The following KCNJ6 variants were observed in gnomAD, a reference collection of about 807,000 sequenced individuals.
The protein encoded by KCNJ6 is potassium inwardly rectifying channel subfamily J member 6, also known as G protein-activated inward rectifier potassium channel 2.
In KCNJ6, 9 loss-of-function variants were observed where a neutral mutation model predicts 34.2. The observed-to-expected ratio is 0.26, with a 90% CI of 0.16 to 0.46. KCNJ6 has a LOEUF of 0.46. KCNJ6 is among the 20% of genes least tolerant of loss of function. The probability of loss-of-function intolerance (pLI) is 1.00; values close to 1 mark genes in which losing one functional copy is unlikely to be tolerated. For synonymous variants in KCNJ6, 196 were observed against 207.1 expected (o/e 0.95, Z 0.46); for missense variants, 236 against 531.3 (o/e 0.44, Z 5.46).
intron 3 of KCNJ6, among the ~76,000 whole-genome samples, chr21:37,688,533 C>T (rs1480392505): frequency 3.3e-5 from 5 of 152,118 alleles, no homozygotes; most frequent in Non-Finnish European, 7.3e-5. Flanking sequence ...AGCTAATGAG[C>T]AGGAGGGACA....
At chr21:37,891,146 T>C (rs1286420820) in intron 1 of KCNJ6, among the ~76,000 whole-genome samples, 1 of 152,130 alleles carries the variant, frequency 6.6e-6, no homozygotes, top group East Asian at 1.9e-4. Context: ...GCTTTCCTCC[T>C]TGCTTTCATA....
chr21:37,781,729 T>C (rs2226356), intron 2 of KCNJ6, among the ~76,000 whole-genome samples: 85,539 of 151,962 alleles, frequency 0.56, 24,898 homozygotes, highest in African/African-American at 0.69. Flanking sequence ...TGGATAAGAT[T>C]GCATAGTATT....
At chr21:37,876,314 T>G (rs938637694) in intron 1 of KCNJ6, among the ~76,000 whole-genome samples, 9 of 152,192 alleles carry the variant, frequency 5.9e-5, no homozygotes, top group African/African-American at 2.2e-4. Flanking sequence ...TTTCAGGGGT[T>G]AAGTAACTTG....
chr21:37,911,387 A>G (rs1285794709), intron 1 of KCNJ6, among the ~76,000 whole-genome samples: 2 of 152,198 alleles, frequency 1.3e-5, no homozygotes, highest in Non-Finnish European at 2.9e-5. Context: ...GTATTACCAA[A>G]GTTAATAATT....
chr21:37,645,932 G>A (rs909502482), intron 3 of KCNJ6, among the ~76,000 whole-genome samples: 2 of 139,072 alleles, frequency 1.4e-5, no homozygotes, highest in Non-Finnish European at 3.1e-5. Context: ...TTAATAAAAC[G>A]GGGGTAAAAA....
chr21:37,747,417 C>A (rs1378985254), intron 2 of KCNJ6, among the ~76,000 whole-genome samples: 4 of 152,172 alleles, frequency 2.6e-5, no homozygotes, highest in Admixed American at 2.6e-4. Context: ...TGGCAAAGGC[C>A]TTACTAGGGA....
intron 3 of KCNJ6, among the ~76,000 whole-genome samples, chr21:37,634,236 A>G (rs1020324125): frequency 2.0e-5 from 3 of 152,116 alleles, no homozygotes; most frequent in Non-Finnish European, 4.4e-5. Context: ...GTAATGAGTA[A>G]GTTCTCGTTC....
intron 2 of KCNJ6, among the ~76,000 whole-genome samples, chr21:37,769,565 T>TC (rs1477183304): frequency 6.6e-6 from 1 of 151,838 alleles, no homozygotes; most frequent in Non-Finnish European, 1.5e-5. Context: ...TTATCTCCTT[T>TC]CCCCACTGAG....
intron 1 of KCNJ6, among the ~76,000 whole-genome samples, chr21:37,855,697 T>C (rs186426884): frequency 1.9e-4 from 29 of 152,354 alleles, no homozygotes; most frequent in African/African-American, 7.0e-4. Flanking sequence ...TGCAGAATCA[T>C]GTCCTTTGTT....
intron 3 of KCNJ6, among the ~76,000 whole-genome samples, chr21:37,703,999 C>T (rs1307066689): frequency 6.6e-6 from 1 of 152,246 alleles, no homozygotes; most frequent in African/African-American, 2.4e-5. Flanking sequence ...TTGTGGGTGG[C>T]CCCTCAAGCT....
chr21:37,666,967 G>A (rs1279725154), intron 3 of KCNJ6, among the ~76,000 whole-genome samples: 1 of 150,648 alleles, frequency 6.6e-6, no homozygotes, highest in Non-Finnish European at 1.5e-5. Context: ...CTCGTTAAGA[G>A]TCATCACCAC....
chr21:37,693,067 G>C (rs1053780109), intron 3 of KCNJ6, among the ~76,000 whole-genome samples: 3 of 152,108 alleles, frequency 2.0e-5, no homozygotes, highest in African/African-American at 7.2e-5. Flanking sequence ...ATTAAAAATG[G>C]TTAATGGGTA....
intron 1 of KCNJ6, among the ~76,000 whole-genome samples, chr21:37,845,869 T>C (rs1365253615): frequency 6.6e-6 from 1 of 152,162 alleles, no homozygotes; most frequent in African/African-American, 2.4e-5. Context: ...CTGCAGAACC[T>C]AGGCACACTG....
intron 1 of KCNJ6, among the ~76,000 whole-genome samples, chr21:37,892,838 T>C (rs1232359859): frequency 2.0e-5 from 3 of 151,362 alleles, no homozygotes; most frequent in African/African-American, 4.9e-5. Context: ...TTTGTCCCCA[T>C]ATGGCTTCTT....
rs117914991 is a variant in KCNJ6 at position 37,846,273 on chromosome 21, G to T, written c.-27-5564C>A. 4.2e-3 allele frequency among the ~76,000 whole-genome samples: 645 copies of T among 152,224 alleles called. 2 individuals carry two copies. Among genetic ancestry groups the T allele is most frequent in the South Asian group, 7.5e-3 (36 of 4,822 alleles). On this transcript the variant is annotated intron_variant, in intron 1 of 3. Transcript: ENST00000609713. ...ATGCCAGCTACATACTTCTCTTTGA[G>T]TGTCTAAAATGACAGAGGTGTTTTT...
At chr21:37,788,259 G>T (rs774452687) in intron 2 of KCNJ6, among the ~76,000 whole-genome samples, 4 of 152,194 alleles carry the variant, frequency 2.6e-5, no homozygotes, top group Admixed American at 6.5e-5. Context: ...AGATTTAACA[G>T]AATTTGGGCC....
chr21:37,692,194 C>T (rs1292415090), intron 3 of KCNJ6, among the ~76,000 whole-genome samples: 1 of 151,952 alleles, frequency 6.6e-6, no homozygotes, highest in Non-Finnish European at 1.5e-5. Flanking sequence ...CACAAGTATC[C>T]CAGAACTTAA....
intron 2 of KCNJ6, among the ~76,000 whole-genome samples, chr21:37,775,112 A>AT (rs1044994125): frequency 1.2e-4 from 18 of 152,198 alleles, no homozygotes; most frequent in Non-Finnish European, 2.4e-4. Context: ...GAAGATGAGC[A>AT]TTTTTTCATG....
intron 2 of KCNJ6, among the ~76,000 whole-genome samples, chr21:37,806,216 G>T (rs2055292836): frequency 6.6e-6 from 1 of 152,172 alleles, no homozygotes. Flanking sequence ...AGATGAAGTT[G>T]TTTACCCCAG....
Sources: gnomAD v4.1 joint callset for allele counts (sites outside exome capture counted in the v4.1 genomes callset) on GRCh38, gnomAD v4.1.1 for gene constraint, MANE v1.5 for transcripts, NCBI Gene and HGNC (gene_info 2026-07-23, HGNC 2026-07-21) for gene names.